The following ARHGAP20 variants were observed in gnomAD, a reference collection of about 807,000 sequenced individuals.
The protein encoded by ARHGAP20 is rho GTPase-activating protein 20.
In ARHGAP20, 34 loss-of-function variants were observed where a neutral mutation model predicts 73.7. That is an observed-to-expected ratio of 0.46 (90% confidence interval 0.35 to 0.61). The LOEUF is 0.61. ARHGAP20 is among the 20% of genes least tolerant of loss of function. The pLI is 0.00. For synonymous variants in ARHGAP20, 523 were observed against 518.2 expected (o/e 1.01, Z -0.13); for missense variants, 1,314 against 1,420.9 (o/e 0.92, Z 1.21).
chr11:110,700,136 AAAAC>A (rs1378412066), intron 1 of ARHGAP20, among the ~76,000 whole-genome samples: 1 of 152,056 alleles, frequency 6.6e-6, no homozygotes, highest in Non-Finnish European at 1.5e-5. Flanking sequence ...AGATTAAAGA[AAAAC>A]AAAGCATATC....
chr11:110,631,146 A>C (rs553232494), intron 2 of ARHGAP20, among the ~76,000 whole-genome samples: 2 of 152,322 alleles, frequency 1.3e-5, no homozygotes, highest in South Asian at 2.1e-4. Flanking sequence ...TGAATGCTTC[A>C]GCATACATAT....
intron 9 of ARHGAP20, among the ~76,000 whole-genome samples, chr11:110,602,801 G>A (rs570790964): frequency 7.4e-4 from 113 of 152,330 alleles, no homozygotes; most frequent in African/African-American, 2.6e-3. Flanking sequence ...ATACCACTAA[G>A]TTGTTTAGTC....
intron 2 of ARHGAP20, among the ~76,000 whole-genome samples, chr11:110,649,701 G>A (rs919267467): frequency 2.0e-5 from 3 of 152,094 alleles, no homozygotes; most frequent in Non-Finnish European, 4.4e-5. Flanking sequence ...ATAAAAAGAT[G>A]TGTGATATGC....
chr11:110,712,084 G>T (rs751436092), intron 1 of ARHGAP20, 43 bp downstream of exon 1: 2 of 1,263,250 alleles, frequency 1.6e-6, no homozygotes. Context: ...GGCAGTGGGG[G>T]CTGCGGCGGC....
chr11:110,598,054 G>A (rs1382923173), intron 9 of ARHGAP20, among the ~76,000 whole-genome samples: 1 of 151,988 alleles, frequency 6.6e-6, no homozygotes, highest in African/African-American at 2.4e-5. Context: ...TTAGATAATT[G>A]AATGTTAAAA....
intron 2 of ARHGAP20, among the ~76,000 whole-genome samples, chr11:110,674,726 C>G (rs919372043): frequency 6.6e-6 from 1 of 151,926 alleles, no homozygotes; most frequent in South Asian, 2.1e-4. Context: ...GATACTCAAC[C>G]CTTATTATCA....
At position 110,581,192 on chromosome 11, in the gene ARHGAP20, T is replaced by C. The variant is rs758881950; in HGVS notation, c.1754A>G (p.Tyr585Cys). ...ISCFQLNDSS[Y>C]DSLENELNED... ...ATTTAGCTCATTTTCCAAGCTGTCATAGGAGGAGTCATTCAGTTGAAAGCA... is the reference window on the plus strand; with the variant it reads ...ATTTAGCTCATTTTCCAAGCTGTCACAGGAGGAGTCATTCAGTTGAAAGCA... Residue 585 changes from tyrosine to cysteine, a missense_variant, in exon 15 of 15, where the codon TAT becomes TGT. Tyr to Cys is a radical substitution (Grantham distance 194, BLOSUM62 -2). Transcript: ENST00000683387. 5 of 1,612,830 alleles carry C rather than the reference T, an allele frequency of 3.1e-6. No individual in the cohort carries two copies. Among genetic ancestry groups the C allele is most frequent in the East Asian group, 2.2e-5 (1 of 44,856 alleles).
At chr11:110,645,245 G>A (rs1480866071) in intron 2 of ARHGAP20, among the ~76,000 whole-genome samples, 7 of 152,046 alleles carry the variant, frequency 4.6e-5, no homozygotes, top group Non-Finnish European at 1.0e-4. Flanking sequence ...CCTGCATCAA[G>A]TCATCTGCCC....
At chr11:110,634,614 A>G (rs1948925179) in intron 2 of ARHGAP20, among the ~76,000 whole-genome samples, 1 of 152,148 alleles carries the variant, frequency 6.6e-6, no homozygotes, top group East Asian at 1.9e-4. Context: ...CTTTTTGCTA[A>G]GTAATGTGAT....
At chr11:110,658,972 C>A (rs932524842) in intron 2 of ARHGAP20, among the ~76,000 whole-genome samples, 1 of 152,140 alleles carries the variant, frequency 6.6e-6, no homozygotes, top group Admixed American at 6.5e-5. Flanking sequence ...CTAGAAAATA[C>A]CCTAGGTTCC....
intron 6 of ARHGAP20, 29 bp downstream of exon 6, chr11:110,614,532 A>C (rs770142691): frequency 1.9e-6 from 3 of 1,583,274 alleles, no homozygotes; most frequent in Non-Finnish European, 1.7e-6. Flanking sequence ...GGGACTTGGA[A>C]TTTAATTTTC....
intron 2 of ARHGAP20, among the ~76,000 whole-genome samples, chr11:110,654,995 T>C (rs1591144092): frequency 6.6e-6 from 1 of 152,212 alleles, no homozygotes; most frequent in Non-Finnish European, 1.5e-5. Context: ...TGACCCCAAC[T>C]CTGGATGTCT....
intron 1 of ARHGAP20, chr11:110,691,059 A>C: frequency 7.8e-6 from 11 of 1,414,434 alleles, no homozygotes; most frequent in Non-Finnish European, 1.0e-5. Flanking sequence ...AAGACAAGTA[A>C]AGGAGAGGAA....
rs797002275 is a variant in ARHGAP20, at chr11:110,596,191, C to T, written c.965-4036G>A. On this transcript the variant is annotated intron_variant, in intron 9 of 14. Coordinates refer to ENST00000683387, the MANE Select transcript of ARHGAP20 (RefSeq NM_001384657.1). ...TGTTAGACCTAAAACCATAAAAACC[C>T]TAGAAGAAAACCTAGGCAATACCAT... 1.5e-4 allele frequency among the ~76,000 whole-genome samples: 23 copies of T among 151,976 alleles called. No homozygotes were observed. In the South Asian group the frequency reaches 4.6e-3, roughly 30 times the overall value.
intron 2 of ARHGAP20, among the ~76,000 whole-genome samples, chr11:110,638,090 C>A (rs1440387917): frequency 6.6e-6 from 1 of 152,008 alleles, no homozygotes; most frequent in African/African-American, 2.4e-5. Context: ...CATCCCTAAT[C>A]TGAAAATCCA....
chr11:110,582,193 C>T, intron 14 of ARHGAP20, 128 bp downstream of exon 14: 3 of 766,074 alleles, frequency 3.9e-6, no homozygotes, highest in Non-Finnish European at 6.7e-6. Context: ...CCCTGGGCCC[C>T]ATTGACCTGG....
intron 2 of ARHGAP20, among the ~76,000 whole-genome samples, chr11:110,636,617 T>C (rs973827057): frequency 7.2e-5 from 11 of 152,034 alleles, no homozygotes; most frequent in African/African-American, 2.7e-4. Context: ...TAAAAACCTA[T>C]ATGTAAGTGT....
rs1284610209 is a variant in ARHGAP20, at chr11:110,652,632, C to T, written c.189-21840G>A. On this transcript the variant is annotated intron_variant, in intron 2 of 14. Coordinates refer to ENST00000683387, the MANE Select transcript of ARHGAP20 (RefSeq NM_001384657.1). ...GCCAAATCATGAATGAACTTCCATT[C>T]ACAATCGCTACAAAGAGAATAAAAT... Among the ~76,000 whole-genome samples the T allele has an allele frequency of 2.0e-5, 3 of 152,210 alleles. No individual in the cohort carries two copies. In the East Asian group the frequency reaches 5.8e-4, roughly 29 times the overall value.
chr11:110,605,451 ATTAACT>A (rs1221556502), intron 9 of ARHGAP20, among the ~76,000 whole-genome samples: 4 of 152,220 alleles, frequency 2.6e-5, no homozygotes, highest in Non-Finnish European at 4.4e-5. Context: ...TAAATTAGAA[ATTAACT>A]TTAAATGCAT....
Sources: gnomAD v4.1 joint callset for allele counts (sites outside exome capture counted in the v4.1 genomes callset) on GRCh38, gnomAD v4.1.1 for gene constraint, MANE v1.5 for transcripts, NCBI Gene and HGNC (gene_info 2026-07-23, HGNC 2026-07-21) for gene names.